Variants in AK4 observed in about 807,000 individuals in gnomAD.
The protein encoded by AK4 is adenylate kinase 4.
A neutral mutation model predicts 24.6 loss-of-function variants in AK4; 13 were observed. The ratio of observed to expected loss-of-function variants is 0.53; its 90% CI spans 0.34 to 0.84. The LOEUF is 0.84. AK4 is among the 40% of genes least tolerant of loss of function. AK4 has a pLI of 0.01. For missense variants in AK4, 192 were observed against 288.2 expected (o/e 0.67, Z 2.42); for synonymous variants, 88 against 107.0 (o/e 0.82, Z 1.10).
intron 2 of AK4, among the ~76,000 whole-genome samples, chr1:65,192,166 A>G (rs933037216): frequency 5.9e-5 from 9 of 152,320 alleles, no homozygotes; most frequent in African/African-American, 2.2e-4. Flanking sequence ...CAATTTATAA[A>G]GAAAAGAAAT....
intron 1 of AK4, among the ~76,000 whole-genome samples, chr1:65,163,117 T>C (rs1650223110): frequency 6.6e-6 from 1 of 152,218 alleles, no homozygotes; most frequent in Non-Finnish European, 1.5e-5. Context: ...TTCTCTTGGG[T>C]ATATACCTAA....
chr1:65,152,316 ATCTCTCTCTCTC>A (rs1158775260), intron 1 of AK4, among the ~76,000 whole-genome samples: 1,170 of 32,444 alleles, frequency 0.036, 29 homozygotes, highest in African/African-American at 0.045. Flanking sequence ...TGCACTTGCT[ATCTCTCTCTCTC>A]TCTCTCTCTC....
intron 1 of AK4, among the ~76,000 whole-genome samples, chr1:65,179,708 GC>G (rs1325083618): frequency 6.6e-6 from 1 of 151,906 alleles, no homozygotes; most frequent in Admixed American, 6.6e-5. Context: ...GGTGGCATGT[GC>G]CTGTAGTCTC....
chr1:65,189,291 T>G (rs1651212248), intron 1 of AK4, among the ~76,000 whole-genome samples: 1 of 150,160 alleles, frequency 6.7e-6, no homozygotes, highest in Admixed American at 6.6e-5. Context: ...CTCTCTCTTT[T>G]TTTTTTTTTT....
chr1:65,196,913 C>A (rs1043207637), intron 2 of AK4, among the ~76,000 whole-genome samples: 1 of 152,100 alleles, frequency 6.6e-6, no homozygotes, highest in African/African-American at 2.4e-5. Context: ...ACAATCGTGG[C>A]AGAAGGCAAG....
intron 1 of AK4, among the ~76,000 whole-genome samples, chr1:65,150,018 A>G (rs528365955): frequency 1.3e-5 from 2 of 152,302 alleles, no homozygotes; most frequent in East Asian, 3.9e-4. Context: ...CAGTGAGAAG[A>G]GATGAGCCCA....
intron 2 of AK4, among the ~76,000 whole-genome samples, chr1:65,214,141 C>T (rs1288176638): frequency 1.3e-5 from 2 of 151,978 alleles, no homozygotes; most frequent in East Asian, 1.9e-4. Context: ...AGATGGAGTC[C>T]CTCTCTGTTG....
intron 1 of AK4, among the ~76,000 whole-genome samples, chr1:65,162,214 C>G (rs548245766): frequency 6.6e-6 from 1 of 152,300 alleles, no homozygotes; most frequent in South Asian, 2.1e-4. Context: ...CCACCGCACT[C>G]TAGCCTGGGC....
At chr1:65,218,978 T>A (rs755082902) in intron 3 of AK4, 52 bp downstream of exon 3, 1 of 1,415,636 alleles carries the variant, frequency 7.1e-7, no homozygotes, top group African/African-American at 1.5e-5. Flanking sequence ...GACAAACAAT[T>A]TCCATTGAAA....
chr1:65,153,116 C>A (rs544850414), intron 1 of AK4, among the ~76,000 whole-genome samples: 47 of 152,316 alleles, frequency 3.1e-4, no homozygotes, highest in Non-Finnish European at 4.9e-4. Context: ...AAGGTCCACT[C>A]CATATCCACT....
intron 2 of AK4, among the ~76,000 whole-genome samples, chr1:65,207,390 T>C (rs1651843711): frequency 6.6e-6 from 1 of 152,002 alleles, no homozygotes; most frequent in Non-Finnish European, 1.5e-5. Context: ...GACCCACTTA[T>C]TTCAAATCTC....
chr1:65,177,044 A>G (rs1359505232), intron 1 of AK4, among the ~76,000 whole-genome samples: 1 of 152,242 alleles, frequency 6.6e-6, no homozygotes, highest in African/African-American at 2.4e-5. Flanking sequence ...TCATTTTACT[A>G]TTAATCTGCT....
At chr1:65,158,307 C>T (rs954605617) in intron 1 of AK4, among the ~76,000 whole-genome samples, 2 of 152,136 alleles carry the variant, frequency 1.3e-5, no homozygotes, top group Non-Finnish European at 2.9e-5. Context: ...GTTGAATTAC[C>T]TGTTCCCTTC....
intron 1 of AK4, among the ~76,000 whole-genome samples, chr1:65,161,847 A>C (rs373602995): frequency 6.6e-6 from 1 of 152,332 alleles, no homozygotes; most frequent in East Asian, 1.9e-4. Flanking sequence ...GAGATAGTAC[A>C]GTGAGGAAGA....
At chr1:65,187,163 C>T (rs4915682) in intron 1 of AK4, among the ~76,000 whole-genome samples, 3,491 of 151,400 alleles carry the variant, frequency 0.023, 129 homozygotes, top group East Asian at 0.17. Context: ...ATCGAGACCA[C>T]GGTGAAACCC....
At chr1:65,205,699 G>C (rs1570126345) in intron 2 of AK4, among the ~76,000 whole-genome samples, 1 of 152,090 alleles carries the variant, frequency 6.6e-6, no homozygotes, top group Middle Eastern at 3.4e-3. Flanking sequence ...TTTCCTTTCA[G>C]GGAAGTTTTC....
intron 2 of AK4, among the ~76,000 whole-genome samples, chr1:65,196,536 T>C (rs1471567503): frequency 2.0e-5 from 3 of 152,098 alleles, no homozygotes; most frequent in Admixed American, 6.5e-5. Context: ...CATATCTTGG[T>C]TCACTGCAAC....
rs1652617322 is a variant in AK4, at chr1:65,230,761, T to A, written c.*4584T>A. 1 of 152,222 alleles carries A rather than the reference T, an allele frequency of 6.6e-6. No individual in the cohort carries two copies. The highest frequency in any genetic ancestry group is 1.5e-5 in the Non-Finnish European group (1 of 68,058). The allele number at this position is 152,222 out of a possible 1,614,324, so 9.4% of individuals were successfully genotyped here. A position where few individuals can be genotyped will look rare whatever the true frequency, so the allele number is the denominator to read the frequency against. On this transcript the variant is annotated 3_prime_UTR_variant, in exon 5 of 5. Coordinates refer to ENST00000327299, the MANE Select transcript of AK4 (RefSeq NM_013410.4). ...CTGGAATCTGTTTTTGGTGCTTTGG[T>A]GCAGAGACAGGAAATGGGCACTCAG...
intron 2 of AK4, among the ~76,000 whole-genome samples, chr1:65,213,311 CAGGT>C (rs2101075575): frequency 6.6e-6 from 1 of 151,928 alleles, no homozygotes; most frequent in South Asian, 2.1e-4. Context: ...ATTAAAGAGT[CAGGT>C]AGGTGATGAA....
Sources: allele counts gnomAD v4.1 joint callset (sites outside exome capture counted in the v4.1 genomes callset), GRCh38; gene constraint gnomAD v4.1.1; transcripts MANE v1.5; gene names NCBI Gene and HGNC (gene_info 2026-07-23, HGNC 2026-07-21).